PTPN1: variants seen among roughly 807,000 people sequenced by gnomAD.
The protein encoded by PTPN1 is protein tyrosine phosphatase non-receptor type 1, also known as tyrosine-protein phosphatase non-receptor type 1.
In PTPN1, 12 loss-of-function variants were observed where a neutral mutation model predicts 59.9. The observed-to-expected ratio is 0.20, with a 90% CI of 0.13 to 0.32. The LOEUF (loss-of-function observed/expected upper bound fraction) is 0.32, where lower values mean the gene tolerates loss of function less well. Ranked by LOEUF, PTPN1 falls within the 10% of genes least tolerant of loss-of-function variation. The pLI is 1.00. For missense variants in PTPN1, 356 were observed against 549.2 expected (o/e 0.65, Z 3.52); for synonymous variants, 178 against 203.6 (o/e 0.87, Z 1.07).
intron 1 of PTPN1, among the ~76,000 whole-genome samples, chr20:50,554,908 C>T (rs2082719741): frequency 6.6e-6 from 1 of 151,964 alleles, no homozygotes; most frequent in African/African-American, 2.4e-5. Flanking sequence ...TCAAATGAGT[C>T]AAATAGAAAG....
At chr20:50,576,586 C>T (rs922203929) in intron 5 of PTPN1, among the ~76,000 whole-genome samples, 21 of 152,126 alleles carry the variant, frequency 1.4e-4, no homozygotes, top group Admixed American at 4.6e-4. Flanking sequence ...TACATTTTAA[C>T]GGCCGGGCAC....
At chr20:50,561,011 C>A (rs2082749771) in intron 1 of PTPN1, among the ~76,000 whole-genome samples, 1 of 152,222 alleles carries the variant, frequency 6.6e-6, no homozygotes, top group South Asian at 2.1e-4. Context: ...GGGCTACCCA[C>A]CCATGTCCTC....
At chr20:50,525,061 A>G (rs148758878) in intron 1 of PTPN1, among the ~76,000 whole-genome samples, 2 of 152,060 alleles carry the variant, frequency 1.3e-5, no homozygotes, top group African/African-American at 4.8e-5. Flanking sequence ...ATGGTTATTT[A>G]TATTTATTTA....
rs547429800 is a variant in PTPN1 at position 50,568,072 on chromosome 20, G to A, written c.256-308G>A. ...TGTCCCATAGCCCAAGGGCCTTGGGGACGAATCTCAGTGGAGGCCCTTAGC... is the reference window on the plus strand; with the variant it reads ...TGTCCCATAGCCCAAGGGCCTTGGGAACGAATCTCAGTGGAGGCCCTTAGC... On this transcript the variant is annotated intron_variant, in intron 3 of 9. Transcript: ENST00000371621. The surrounding 1 kb of genome is among the most constrained non-coding windows in gnomAD (Gnocchi z 5.6). Among the ~76,000 whole-genome samples the A allele has an allele frequency of 3.3e-5, 5 of 152,348 alleles. No homozygotes were observed. Among genetic ancestry groups the A allele is most frequent in the African/African-American group, 1.2e-4 (5 of 41,580 alleles).
At chr20:50,551,472 A>T (rs1035481612) in intron 1 of PTPN1, among the ~76,000 whole-genome samples, 1 of 152,236 alleles carries the variant, frequency 6.6e-6, no homozygotes, top group Non-Finnish European at 1.5e-5. Flanking sequence ...ATGTAAAATG[A>T]TACAGTGAAA....
At chr20:50,552,959 TA>T (rs1285393818) in intron 1 of PTPN1, among the ~76,000 whole-genome samples, 2 of 152,118 alleles carry the variant, frequency 1.3e-5, no homozygotes, top group Non-Finnish European at 2.9e-5. Context: ...CTACTTATTA[TA>T]AAAAAATAAT....
intron 1 of PTPN1, among the ~76,000 whole-genome samples, chr20:50,528,145 A>G (rs1398897008): frequency 6.6e-6 from 1 of 152,124 alleles, no homozygotes; most frequent in Non-Finnish European, 1.5e-5. Context: ...TCTTCTTTCC[A>G]GTCACATTTT....
chr20:50,531,098 G>A (rs923175097), intron 1 of PTPN1, among the ~76,000 whole-genome samples: 53 of 152,226 alleles, frequency 3.5e-4, no homozygotes, highest in African/African-American at 6.5e-4. Context: ...CTGGTCCAGC[G>A]TCTTTCCTCT....
chr20:50,540,294 A>G (rs889345378), intron 1 of PTPN1, among the ~76,000 whole-genome samples: 1 of 152,192 alleles, frequency 6.6e-6, no homozygotes, highest in Non-Finnish European at 1.5e-5. Flanking sequence ...TGACCTCGTG[A>G]TCTGCCCGCC....
chr20:50,581,213 C>A, intron 8 of PTPN1, 52 bp from the exon 9 acceptor site: 2 of 1,536,074 alleles, frequency 1.3e-6, no homozygotes, highest in South Asian at 1.2e-5. Context: ...AGCATCCTTG[C>A]CATTCATTTT....
intron 2 of PTPN1, 63 bp from the exon 3 acceptor site, chr20:50,564,906 G>A: frequency 6.2e-7 from 1 of 1,602,240 alleles, no homozygotes; most frequent in Non-Finnish European, 8.5e-7. Context: ...TGTAGGGTGT[G>A]CACCTGTATG....
intron 1 of PTPN1, among the ~76,000 whole-genome samples, chr20:50,541,407 T>C (rs1021013477): frequency 2.6e-5 from 4 of 152,186 alleles, no homozygotes; most frequent in African/African-American, 9.7e-5. Flanking sequence ...TCTGCATAAT[T>C]GTGCTGTGCT....
At chr20:50,519,593 C>A (rs1265728439) in intron 1 of PTPN1, among the ~76,000 whole-genome samples, 4 of 152,094 alleles carry the variant, frequency 2.6e-5, no homozygotes, top group African/African-American at 4.8e-5. Context: ...TCTGCATTTC[C>A]CATCTTCAGT....
At chr20:50,548,782 A>G (rs187061323) in intron 1 of PTPN1, among the ~76,000 whole-genome samples, 47 of 152,282 alleles carry the variant, frequency 3.1e-4, no homozygotes, top group Admixed American at 9.1e-4. Flanking sequence ...CAGTGGCACA[A>G]TCCCAGCTCA....
intron 1 of PTPN1, among the ~76,000 whole-genome samples, chr20:50,512,114 G>A (rs2082510350): frequency 6.6e-6 from 1 of 152,168 alleles, no homozygotes; most frequent in Admixed American, 6.5e-5. Context: ...TAATAAGTAT[G>A]ATTGATCAGT....
At chr20:50,560,858 T>C (rs151230501) in intron 1 of PTPN1, among the ~76,000 whole-genome samples, 1 of 152,262 alleles carries the variant, frequency 6.6e-6, no homozygotes, top group African/African-American at 2.4e-5. Context: ...AACAGGGTGA[T>C]AGGATTTGTT....
chr20:50,578,230 G>A (rs1437009834), intron 5 of PTPN1, among the ~76,000 whole-genome samples, 190 bp from the exon 6 acceptor site: 1 of 152,218 alleles, frequency 6.6e-6, no homozygotes, highest in Non-Finnish European at 1.5e-5. Context: ...TGCAGGTTCA[G>A]TGTCAAGCCC....
intron 5 of PTPN1, among the ~76,000 whole-genome samples, chr20:50,575,637 A>T (rs1386037266): frequency 6.6e-6 from 1 of 152,160 alleles, no homozygotes; most frequent in Non-Finnish European, 1.5e-5. Flanking sequence ...TTCATAGTTG[A>T]TGTAAGCCAG....
At chr20:50,546,629 TAACC>T (rs1568784107) in intron 1 of PTPN1, among the ~76,000 whole-genome samples, 1 of 152,248 alleles carries the variant, frequency 6.6e-6, no homozygotes, top group Non-Finnish European at 1.5e-5. Context: ...ACGAAATTCT[TAACC>T]AAAGCCAGTT....
Sources: allele counts gnomAD v4.1 joint callset (sites outside exome capture counted in the v4.1 genomes callset), GRCh38; gene constraint gnomAD v4.1.1; non-coding constraint Gnocchi (gnomAD v3.1); transcripts MANE v1.5; gene names NCBI Gene and HGNC (gene_info 2026-07-23, HGNC 2026-07-21).